Variants in SLC35F3 observed in about 807,000 individuals in gnomAD.
The protein encoded by SLC35F3 is putative thiamine transporter SLC35F3.
A neutral mutation model predicts 49.9 loss-of-function variants in SLC35F3; 25 were observed. The ratio of observed to expected loss-of-function variants is 0.50; its 90% confidence interval spans 0.37 to 0.70. SLC35F3 has a LOEUF of 0.70. Ranked by LOEUF, SLC35F3 falls within the 30% of genes least tolerant of loss-of-function variation. SLC35F3 has a pLI of 0.00. For missense variants in SLC35F3, 525 were observed against 639.8 expected (o/e 0.82, Z 1.94); for synonymous variants, 275 against 265.4 (o/e 1.04, Z -0.35).
intron 2 of SLC35F3, among the ~76,000 whole-genome samples, chr1:233,968,167 T>G (rs906006745): frequency 2.0e-5 from 3 of 152,146 alleles, no homozygotes; most frequent in Non-Finnish European, 4.4e-5. Flanking sequence ...ATTTCTTAGC[T>G]TGTGGATCCA....
intron 2 of SLC35F3, among the ~76,000 whole-genome samples, chr1:234,171,656 C>T (rs545973887): frequency 2.1e-3 from 326 of 152,086 alleles, no homozygotes; most frequent in Non-Finnish European, 3.7e-3. Flanking sequence ...ACAGAGGACA[C>T]TAGAGGCTGG....
intron 2 of SLC35F3, among the ~76,000 whole-genome samples, chr1:234,170,808 G>GGTTGCA (rs113325898): frequency 0.016 from 2,498 of 152,212 alleles, 66 homozygotes; most frequent in African/African-American, 0.057. Flanking sequence ...AGTACTTAAC[G>GGTTGCA]GTTGCACGAA....
Position 234,214,193 on chromosome 1 carries a change from C to G in SLC35F3, c.284-17224C>G, listed in dbSNP as rs1667080097. 8.8e-7 allele frequency: 1 copy of G among 1,135,118 alleles called. No homozygotes were observed. Among genetic ancestry groups the G allele is most frequent in the South Asian group, 3.8e-5 (1 of 26,210 alleles). 70.3% of individuals were successfully genotyped at this position (1,135,118 alleles called of 1,614,324 possible). ...GAGCAGGTGAGCTGCGGGGTGGGAG[C>G]AGGGAGTGCACTTGTACGTGACGTT... is the stretch of plus-strand genomic sequence containing the variant. On this transcript the variant is annotated intron_variant, in intron 2 of 7. Transcript: ENST00000366618. The surrounding 1 kb of genome is among the most constrained non-coding windows in gnomAD (Gnocchi z 8.0).
intron 3 of SLC35F3, among the ~76,000 whole-genome samples, chr1:234,259,494 G>A (rs1667869010): frequency 6.6e-6 from 1 of 152,018 alleles, no homozygotes; most frequent in African/African-American, 2.4e-5. Flanking sequence ...TCTGGGGCAG[G>A]GTTGCTCAAA....
intron 3 of SLC35F3, among the ~76,000 whole-genome samples, chr1:234,241,172 C>T (rs113061126): frequency 5.9e-5 from 9 of 152,280 alleles, no homozygotes; most frequent in African/African-American, 2.2e-4. Flanking sequence ...TAAATTGGAA[C>T]GACCACCCTG....
Position 234,315,109 on chromosome 1 carries a change from G to A in SLC35F3, c.829-1493G>A, listed in dbSNP as rs75909051. ...TGTAGGCATACATCTGATGCAAAACGGTGTGGCTGACTACAAGTGAATTCC... is the reference window on the plus strand; with the variant it reads ...TGTAGGCATACATCTGATGCAAAACAGTGTGGCTGACTACAAGTGAATTCC... On this transcript the variant is annotated intron_variant, in intron 4 of 7. Coordinates refer to ENST00000366618, the MANE Select transcript of SLC35F3 (RefSeq NM_173508.4). 1.3e-3 allele frequency among the ~76,000 whole-genome samples: 194 copies of A among 152,264 alleles called. 1 individual carries two copies. The highest frequency in any genetic ancestry group is 4.4e-3 in the African/African-American group (184 of 41,550).
At chr1:234,073,384 G>A (rs969170911) in intron 2 of SLC35F3, among the ~76,000 whole-genome samples, 2 of 152,156 alleles carry the variant, frequency 1.3e-5, no homozygotes, top group Non-Finnish European at 1.5e-5. Flanking sequence ...GGGCTCAAGA[G>A]ATCCTCCTGC....
At chr1:234,319,449 TC>T (rs1251596624) in intron 6 of SLC35F3, among the ~76,000 whole-genome samples, 1 of 152,180 alleles carries the variant, frequency 6.6e-6, no homozygotes, top group Non-Finnish European at 1.5e-5. Flanking sequence ...ATGCCTGTAA[TC>T]CCAGCACTTT....
intron 2 of SLC35F3, among the ~76,000 whole-genome samples, chr1:234,155,606 T>C (rs1303330933): frequency 6.6e-6 from 1 of 151,882 alleles, no homozygotes; most frequent in Non-Finnish European, 1.5e-5. Flanking sequence ...AATTAAAATA[T>C]TGTTAAAATA....
At chr1:233,922,959 G>A (rs1305833244) in intron 2 of SLC35F3, among the ~76,000 whole-genome samples, 5 of 152,276 alleles carry the variant, frequency 3.3e-5, no homozygotes, top group African/African-American at 1.2e-4. Flanking sequence ...GATGGTTGTA[G>A]ATGTGTGGTA....
intron 7 of SLC35F3, among the ~76,000 whole-genome samples, chr1:234,321,620 C>T (rs546863478): frequency 2.0e-5 from 3 of 152,136 alleles, no homozygotes; most frequent in South Asian, 2.1e-4. Context: ...TTCCTTTCAG[C>T]GTATAATATG....
rs149418058 is a variant in SLC35F3 at position 234,025,465 on chromosome 1, A to C, written c.283+119707A>C. Reference sequence around the variant, plus strand: ...TATATAAGCATAGCCTTTTCTTGGCAAGCTCACCAATGTCTGTTGTTTTTT... The same window carrying C: ...TATATAAGCATAGCCTTTTCTTGGCCAGCTCACCAATGTCTGTTGTTTTTT... On this transcript the variant is annotated intron_variant, in intron 2 of 7. Transcript: ENST00000366618. 7.4e-3 allele frequency among the ~76,000 whole-genome samples: 1,120 copies of C among 152,320 alleles called. 37 individuals are homozygous for C. Among genetic ancestry groups the C allele is most frequent in the Admixed American group, 0.055 (840 of 15,298 alleles).
chr1:234,154,061 C>CA lies in SLC35F3; in HGVS notation c.284-77345dup, dbSNP rs918071713. On this transcript the variant is annotated intron_variant, in intron 2 of 7. Coordinates refer to ENST00000366618, the MANE Select transcript of SLC35F3 (RefSeq NM_173508.4). ...TGGGCAACAGAGCGAGACTCCGTCT[C>CA]AAAAAAAAAAACAAAAAACAAAAAA... 8.8e-3 allele frequency among the ~76,000 whole-genome samples: 1,197 copies of CA among 136,690 alleles called. 23 individuals carry two copies. Among genetic ancestry groups the CA allele is most frequent in the African/African-American group, 0.027 (991 of 36,908 alleles). The allele number at this position is 136,690 out of a possible 152,430, so 89.7% of individuals were successfully genotyped here.
chr1:234,319,703 G>A lies in SLC35F3; in HGVS notation c.1148-395G>A, dbSNP rs191881760. ...AGCCTGGGTGATAGTGCAAGACTGT[G>A]CCTCAAAACAAAACAAAACAAAACA... On this transcript the variant is annotated intron_variant, in intron 6 of 7. Coordinates refer to ENST00000366618, the MANE Select transcript of SLC35F3 (RefSeq NM_173508.4). Among the ~76,000 whole-genome samples the A allele has an allele frequency of 2.8e-4, 41 of 145,458 alleles. No homozygotes were observed. In the East Asian group the frequency reaches 7.1e-3, roughly 25 times the overall value.
At chr1:234,099,621 A>C (rs1012158031) in intron 2 of SLC35F3, among the ~76,000 whole-genome samples, 16 of 150,478 alleles carry the variant, frequency 1.1e-4, no homozygotes, top group African/African-American at 1.5e-4. Flanking sequence ...AAAAAAAAAA[A>C]AAAAAACAAA....
chr1:233,937,968 C>T (rs1662360684), intron 2 of SLC35F3, among the ~76,000 whole-genome samples: 2 of 152,068 alleles, frequency 1.3e-5, no homozygotes, highest in Admixed American at 1.3e-4. Context: ...AAGTAGTTTG[C>T]AGAATTCAGG....
At chr1:234,084,349 A>G (rs72756198) in intron 2 of SLC35F3, among the ~76,000 whole-genome samples, 2 of 152,254 alleles carry the variant, frequency 1.3e-5, no homozygotes, top group African/African-American at 2.4e-5. Flanking sequence ...TGTGAATCCC[A>G]TTCAGTTATT....
chr1:234,069,364 T>A (rs962655371), intron 2 of SLC35F3, among the ~76,000 whole-genome samples: 5 of 150,906 alleles, frequency 3.3e-5, no homozygotes, highest in Non-Finnish European at 7.4e-5. Flanking sequence ...TTCAAGTGAT[T>A]CTCCTGGCTC....
intron 2 of SLC35F3, among the ~76,000 whole-genome samples, chr1:234,172,874 A>G (rs776741693): frequency 2.2e-4 from 34 of 152,326 alleles, no homozygotes; most frequent in Non-Finnish European, 3.4e-4. Flanking sequence ...AAACATCACT[A>G]TGCAGTGCGT....
Sources: gnomAD v4.1 joint callset for allele counts (sites outside exome capture counted in the v4.1 genomes callset) on GRCh38, gnomAD v4.1.1 for gene constraint, Gnocchi (gnomAD v3.1) non-coding constraint, MANE v1.5 for transcripts, NCBI Gene and HGNC (gene_info 2026-07-23, HGNC 2026-07-21) for gene names.